The following PDE4B variants were observed in gnomAD, a reference collection of about 807,000 sequenced individuals.
The protein encoded by PDE4B is 3',5'-cyclic-AMP phosphodiesterase 4B.
Under a neutral mutation model 82.2 loss-of-function variants are expected in PDE4B, and 20 were observed. That is an observed-to-expected ratio of 0.24 (90% CI 0.17 to 0.35). The LOEUF (loss-of-function observed/expected upper bound fraction) is 0.35, where lower values mean the gene tolerates loss of function less well. Among genes scored for constraint, PDE4B ranks in the 10% least tolerant of loss-of-function variants. PDE4B has a pLI of 1.00. For synonymous variants in PDE4B, 320 were observed against 318.9 expected (o/e 1.00, Z -0.04); for missense variants, 655 against 907.2 (o/e 0.72, Z 3.57).
chr1:66,186,767 T>C (rs1296701359), intron 3 of PDE4B, among the ~76,000 whole-genome samples: 3 of 152,210 alleles, frequency 2.0e-5, no homozygotes, highest in African/African-American at 4.8e-5. Flanking sequence ...TATACAATCA[T>C]CTCATCTGCA....
Position 66,361,809 on chromosome 1 carries a change from G to T in PDE4B, c.1020+16G>T. On this transcript the variant is annotated intron_variant, in intron 10 of 16. Transcript: ENST00000341517. ...CCTGGCCAAGGTGTGTATAAGCTCA[G>T]GTTTTGTGCATGTAGCTCTCTGCTT... The T allele has an allele frequency of 1.3e-6, 2 of 1,597,726 alleles. No homozygotes were observed. Among genetic ancestry groups the T allele is most frequent in the South Asian group, 2.2e-5 (2 of 89,558 alleles).
intron 1 of PDE4B, among the ~76,000 whole-genome samples, chr1:65,877,943 T>C (rs891380516): frequency 4.0e-5 from 6 of 151,682 alleles, no homozygotes; most frequent in African/African-American, 1.2e-4. Context: ...TCAGAGCTAA[T>C]AGGCAGCCTA....
intron 1 of PDE4B, among the ~76,000 whole-genome samples, chr1:65,897,737 A>G (rs547567261): frequency 6.6e-6 from 1 of 152,176 alleles, no homozygotes; most frequent in South Asian, 2.1e-4. Context: ...TCTACCATTG[A>G]TGGGCACACA....
chr1:66,181,551 T>G (rs1270088347), intron 3 of PDE4B, among the ~76,000 whole-genome samples: 1 of 152,200 alleles, frequency 6.6e-6, no homozygotes, highest in Admixed American at 6.5e-5. Flanking sequence ...TGAAGAATAT[T>G]GTTTCTGTGT....
intron 3 of PDE4B, among the ~76,000 whole-genome samples, chr1:66,171,075 G>T (rs1371121271): frequency 6.6e-6 from 1 of 152,046 alleles, no homozygotes; most frequent in Non-Finnish European, 1.5e-5. Context: ...GAAAAGCAAA[G>T]CACTCTTAAT....
chr1:66,278,827 C>CGT (rs756328774), intron 7 of PDE4B, among the ~76,000 whole-genome samples: 40 of 151,344 alleles, frequency 2.6e-4, no homozygotes, highest in African/African-American at 3.9e-4. Context: ...AGTTCTGTGC[C>CGT]GTGTGTGTGT....
At chr1:66,257,907 G>GCT in intron 6 of PDE4B, 44 bp downstream of exon 6, 1 of 1,311,586 alleles carries the variant, frequency 7.6e-7, no homozygotes. Context: ...CTAACATAAA[G>GCT]GCAAAAAATA....
At chr1:65,926,351 T>C (rs1401216096) in intron 3 of PDE4B, among the ~76,000 whole-genome samples, 1 of 152,226 alleles carries the variant, frequency 6.6e-6, no homozygotes, top group Non-Finnish European at 1.5e-5. Context: ...AAAACTTTCA[T>C]AGCTACTTGC....
chr1:66,080,740 T>G (rs1368485903), intron 3 of PDE4B, among the ~76,000 whole-genome samples: 3 of 152,098 alleles, frequency 2.0e-5, no homozygotes, highest in African/African-American at 7.2e-5. Flanking sequence ...TAAATGTATT[T>G]TTCTTTTCTT....
chr1:65,808,833 G>A (rs1023005521), intron 1 of PDE4B, among the ~76,000 whole-genome samples: 39 of 152,176 alleles, frequency 2.6e-4, no homozygotes, highest in African/African-American at 8.9e-4. Flanking sequence ...TTTGTGTTTA[G>A]AGGGACATAT....
At chr1:66,072,883 CA>C (rs1656223325) in intron 3 of PDE4B, among the ~76,000 whole-genome samples, 1 of 151,980 alleles carries the variant, frequency 6.6e-6, no homozygotes, top group Non-Finnish European at 1.5e-5. Context: ...GATCTCAGAG[CA>C]AACACCCCTA....
At chr1:66,063,217 C>A (rs1439970949) in intron 3 of PDE4B, among the ~76,000 whole-genome samples, 1 of 152,002 alleles carries the variant, frequency 6.6e-6, no homozygotes, top group Admixed American at 6.6e-5. Context: ...GAGTTTGTCT[C>A]TAGTTTCTCA....
At chr1:65,946,502 T>C (rs1025500330) in intron 3 of PDE4B, among the ~76,000 whole-genome samples, 32 of 152,006 alleles carry the variant, frequency 2.1e-4, no homozygotes, top group Non-Finnish European at 1.9e-4. Context: ...CACATCACTA[T>C]CTTCAGCTGG....
At chr1:66,264,796 C>A (rs41332246) in intron 6 of PDE4B, among the ~76,000 whole-genome samples, 1 of 152,226 alleles carries the variant, frequency 6.6e-6, no homozygotes, top group Non-Finnish European at 1.5e-5. Context: ...TTAGCAACAA[C>A]GATGCAGGCT....
intron 3 of PDE4B, among the ~76,000 whole-genome samples, chr1:66,027,237 T>C (rs533772932): frequency 1.3e-5 from 2 of 152,254 alleles, no homozygotes; most frequent in South Asian, 2.1e-4. Context: ...AGGCACTTCT[T>C]ACATGGCAGC....
chr1:66,329,041 C>T (rs1358721325), intron 7 of PDE4B, among the ~76,000 whole-genome samples: 1 of 152,188 alleles, frequency 6.6e-6, no homozygotes, highest in Non-Finnish European at 1.5e-5. Flanking sequence ...TTCCCCAGCT[C>T]TTGTGCCTGG....
intron 3 of PDE4B, among the ~76,000 whole-genome samples, chr1:66,121,523 T>G (rs1412124326): frequency 6.6e-6 from 1 of 152,216 alleles, no homozygotes; most frequent in East Asian, 1.9e-4. Context: ...GAGCTATATT[T>G]ATTCTTTGTC....
chr1:65,929,088 C>T (rs1000329240), intron 3 of PDE4B, among the ~76,000 whole-genome samples: 7 of 152,188 alleles, frequency 4.6e-5, no homozygotes, highest in African/African-American at 1.7e-4. Context: ...CACTCTCAAC[C>T]TTACTTCTAG....
At chr1:66,256,062 A>G (rs1324979447) in intron 4 of PDE4B, among the ~76,000 whole-genome samples, 1 of 152,206 alleles carries the variant, frequency 6.6e-6, no homozygotes, top group Non-Finnish European at 1.5e-5. Flanking sequence ...CTGTAGTCCC[A>G]GCTACTCCAG....
Sources: gnomAD v4.1 joint callset for allele counts (sites outside exome capture counted in the v4.1 genomes callset) on GRCh38, gnomAD v4.1.1 for gene constraint, MANE v1.5 for transcripts, NCBI Gene and HGNC (gene_info 2026-07-23, HGNC 2026-07-21) for gene names.